TPRG1: variants seen among roughly 807,000 people sequenced by gnomAD.
TPRG1 encodes tumor protein p63-regulated gene 1 protein.
Under a neutral mutation model 29.3 loss-of-function variants are expected in TPRG1, and 29 were observed. That is an observed-to-expected ratio of 0.99 (90% confidence interval 0.74 to 1.35). The LOEUF (loss-of-function observed/expected upper bound fraction) is 1.35, where lower values mean the gene tolerates loss of function less well. TPRG1 is among the 40% of genes most tolerant of loss of function. The pLI is 0.00. For missense variants in TPRG1, 327 were observed against 335.0 expected, an observed-to-expected ratio of 0.98 and a Z score of 0.19; for synonymous variants, 130 against 116.8, an observed-to-expected ratio of 1.11 and a Z score of -0.73.
intron 4 of TPRG1, among the ~76,000 whole-genome samples, chr3:189,246,579 T>C (rs538866873): frequency 8.1e-4 from 124 of 152,306 alleles, no homozygotes; most frequent in Middle Eastern, 3.4e-3. Context: ...TTAACATGTA[T>C]GATATTCTTC....
chr3:189,137,984 G>A (rs1354063497), intron 3 of TPRG1, among the ~76,000 whole-genome samples: 2 of 152,180 alleles, frequency 1.3e-5, no homozygotes, highest in Non-Finnish European at 2.9e-5. Flanking sequence ...AAGGAAAAAA[G>A]AGAGCTGCCT....
intron 5 of TPRG1, among the ~76,000 whole-genome samples, chr3:189,154,076 C>T (rs1726321397): frequency 1.3e-5 from 2 of 152,156 alleles, no homozygotes; most frequent in Non-Finnish European, 2.9e-5. Context: ...CATTAGCATG[C>T]TTTAAATGGA....
chr3:189,226,016 A>T (rs1035990069), intron 3 of TPRG1, among the ~76,000 whole-genome samples: 1 of 152,182 alleles, frequency 6.6e-6, no homozygotes, highest in Non-Finnish European at 1.5e-5. Context: ...ATAAAAACTG[A>T]TAGAACAGAA....
chr3:189,161,176 T>C (rs1560501523), intron 5 of TPRG1, among the ~76,000 whole-genome samples: 1 of 152,104 alleles, frequency 6.6e-6, no homozygotes, highest in African/African-American at 2.4e-5. Context: ...TTTATTGTCT[T>C]TTACGACATA....
intron 2 of TPRG1, among the ~76,000 whole-genome samples, chr3:189,214,928 C>T (rs1560562516): frequency 6.9e-6 from 1 of 144,090 alleles, no homozygotes. Flanking sequence ...TTTTTATTGA[C>T]ATGTGCTCTA....
chr3:189,187,478 ATT>A lies in TPRG1; in HGVS notation c.-10+15358_-10+15359del, dbSNP rs71763137. 5.2e-3 allele frequency among the ~76,000 whole-genome samples: 763 copies of A among 147,028 alleles called. 6 individuals carry two copies. Among genetic ancestry groups the A allele is most frequent in the African/African-American group, 0.018 (707 of 40,212 alleles). ...CCGCCACCACGCTCAGCTGATTTTT[ATT>A]TTTTTTTTTTGTATTTTTAGTAGAC... On this transcript the variant is annotated intron_variant, in intron 1 of 5. Coordinates refer to ENST00000345063, the MANE Select transcript of TPRG1 (RefSeq NM_198485.4).
intron 4 of TPRG1, among the ~76,000 whole-genome samples, chr3:189,049,643 A>G (rs1715190009): frequency 6.6e-6 from 1 of 152,164 alleles, no homozygotes; most frequent in Non-Finnish European, 1.5e-5. Flanking sequence ...CCACACTACT[A>G]CAGCTGATGC....
At chr3:189,229,182 T>A (rs932467098) in intron 3 of TPRG1, among the ~76,000 whole-genome samples, 2 of 152,238 alleles carry the variant, frequency 1.3e-5, no homozygotes, top group Non-Finnish European at 2.9e-5. Context: ...ATAGTAAAGA[T>A]GTCCATTATC....
intron 2 of TPRG1, among the ~76,000 whole-genome samples, chr3:189,129,667 T>C (rs186606046): frequency 6.6e-6 from 1 of 152,350 alleles, no homozygotes; most frequent in Admixed American, 6.5e-5. Flanking sequence ...TCTATATTTA[T>C]TAACTGAAAC....
At chr3:189,155,585 A>G (rs190440028) in intron 5 of TPRG1, among the ~76,000 whole-genome samples, 279 of 152,286 alleles carry the variant, frequency 1.8e-3, no homozygotes, top group Non-Finnish European at 2.4e-3. Flanking sequence ...TCAAGGGTCA[A>G]GGATATGGAT....
intron 4 of TPRG1, among the ~76,000 whole-genome samples, chr3:189,304,649 T>C (rs1414878370): frequency 6.6e-6 from 1 of 152,152 alleles, no homozygotes; most frequent in African/African-American, 2.4e-5. Context: ...TTTTGGGTTC[T>C]TGTCATGGAA....
chr3:189,225,076 C>T (rs1302231117), intron 3 of TPRG1, among the ~76,000 whole-genome samples: 8 of 152,096 alleles, frequency 5.3e-5, no homozygotes, highest in East Asian at 1.9e-4. Context: ...GGACTACAGG[C>T]GCCCGCCACC....
intron 4 of TPRG1, among the ~76,000 whole-genome samples, chr3:189,259,638 T>G (rs147716104): frequency 3.8e-4 from 57 of 151,808 alleles, no homozygotes; most frequent in Admixed American, 1.2e-3. Flanking sequence ...CCTGATAATT[T>G]TTTGTATTTT....
rs191487411 is a variant in TPRG1 at position 189,185,133 on chromosome 3, A to G, written c.-10+13002A>G. The stretch of plus-strand genomic sequence containing the variant: ...CTCTGACCTGGATGTAGTCCTTCTA[A>G]GAACCTTGTGTCACTATTATCTTTG... On this transcript the variant is annotated intron_variant, in intron 1 of 5. Transcript: ENST00000345063. Among the ~76,000 whole-genome samples, 335 of 152,298 alleles carry G rather than the reference A, an allele frequency of 2.2e-3. 2 individuals are homozygous for G. Among genetic ancestry groups the G allele is most frequent in the Admixed American group, 5.8e-3 (89 of 15,306 alleles).
In TPRG1 at chr3:189,124,544, G is replaced by GTA. The variant is rs755159147; in HGVS notation, c.-743-2512_-743-2511insAT. Among the ~76,000 whole-genome samples, 128 of 149,986 alleles carry GTA rather than the reference G, an allele frequency of 8.5e-4. 2 individuals carry two copies. Among genetic ancestry groups the GTA allele is most frequent in the African/African-American group, 2.2e-3 (90 of 41,042 alleles). On this transcript the variant is annotated intron_variant, in intron 1 of 6. Transcript: ENST00000412373. ...TTTTTTTAAGAACAAAGGACTTTGT[G>GTA]TGTGTGTGTGTGTATATATATATAC...
intron 4 of TPRG1, among the ~76,000 whole-genome samples, chr3:189,073,685 G>A (rs934926622): frequency 4.6e-5 from 7 of 152,152 alleles, no homozygotes; most frequent in Non-Finnish European, 7.4e-5. Flanking sequence ...TCAGAAAAGT[G>A]TCACATTCTC....
intron 4 of TPRG1, among the ~76,000 whole-genome samples, chr3:189,070,318 C>T (rs1368765138): frequency 6.6e-6 from 1 of 151,946 alleles, no homozygotes; most frequent in Non-Finnish European, 1.5e-5. Context: ...CACAAGGAAC[C>T]CTTGGATGAG....
intron 4 of TPRG1, among the ~76,000 whole-genome samples, chr3:189,035,011 G>A (rs990802687): frequency 1.3e-5 from 2 of 152,172 alleles, no homozygotes; most frequent in African/African-American, 4.8e-5. Flanking sequence ...CAAAGCTGGA[G>A]GTATCAAACT....
intron 4 of TPRG1, among the ~76,000 whole-genome samples, chr3:189,088,903 A>C (rs971633471): frequency 6.6e-6 from 1 of 152,102 alleles, no homozygotes; most frequent in Non-Finnish European, 1.5e-5. Context: ...CAATGAAGTC[A>C]CTCCAAGCCC....
Sources: gnomAD v4.1 joint callset for allele counts (sites outside exome capture counted in the v4.1 genomes callset) on GRCh38, gnomAD v4.1.1 for gene constraint, MANE v1.5 for transcripts, NCBI Gene and HGNC (gene_info 2026-07-23, HGNC 2026-07-21) for gene names.